The following USP33 variants were observed in gnomAD, a reference collection of about 807,000 sequenced individuals.
USP33 encodes the protein ubiquitin carboxyl-terminal hydrolase 33.
Under a neutral mutation model 124.2 loss-of-function variants are expected in USP33, and 46 were observed. That is an observed-to-expected ratio of 0.37 (90% CI 0.29 to 0.47). USP33 has a LOEUF of 0.47. USP33 is among the 20% of genes least tolerant of loss of function. The pLI is 0.99. For missense variants in USP33, 851 were observed against 1,070.6 expected (o/e 0.79, Z 2.86); for synonymous variants, 350 against 352.3 (o/e 0.99, Z 0.07).
In USP33 at chr1:77,736,050, A is replaced by G. The variant is rs1382060200; in HGVS notation, c.454+6T>C. ...TACAAAGAAGCGTTACACAGGATTAATTTACCTCTGGCCCTAAGTTCATCT... is the reference window on the plus strand; with the variant it reads ...TACAAAGAAGCGTTACACAGGATTAGTTTACCTCTGGCCCTAAGTTCATCT... On this transcript the variant is annotated splice_donor_region_variant and intron_variant, in intron 6 of 23. Coordinates refer to ENST00000370794, the MANE Select transcript of USP33 (RefSeq NM_201624.3). The G allele has an allele frequency of 6.3e-7, 1 of 1,599,260 alleles. No individual in the cohort carries two copies. The highest frequency in any genetic ancestry group is 8.5e-7 in the Non-Finnish European group (1 of 1,169,770).
chr1:77,706,778 T>C (rs1191782917), intron 21 of USP33, among the ~76,000 whole-genome samples: 1 of 152,160 alleles, frequency 6.6e-6, no homozygotes, highest in Non-Finnish European at 1.5e-5. Context: ...AACCAATATA[T>C]GGTGGTTTTT....
At chr1:77,720,535 AAGAACT>A in intron 15 of USP33, 2 of 985,446 alleles carry the variant, frequency 2.0e-6, no homozygotes, top group Non-Finnish European at 2.4e-6. Context: ...GGTTACTGCC[AAGAACT>A]AGAAGTCTGT....
intron 10 of USP33, among the ~76,000 whole-genome samples, chr1:77,726,929 G>A (rs1278976305): frequency 6.6e-6 from 1 of 152,152 alleles, no homozygotes; most frequent in African/African-American, 2.4e-5. Flanking sequence ...CAGGGCAAGG[G>A]AATGTGCTCA....
chr1:77,698,786 C>T (rs1474145708), intron 22 of USP33, among the ~76,000 whole-genome samples: 1 of 152,130 alleles, frequency 6.6e-6, no homozygotes, highest in Non-Finnish European at 1.5e-5. Context: ...AGGCATGAGC[C>T]ACCACGCCCG....
intron 5 of USP33, among the ~76,000 whole-genome samples, chr1:77,738,263 T>C (rs1678707029): frequency 6.6e-6 from 1 of 152,170 alleles, no homozygotes; most frequent in Non-Finnish European, 1.5e-5. Context: ...TACAGAAATA[T>C]GTGATTTCTA....
At chr1:77,753,863 T>C (rs1162221808) in intron 1 of USP33, among the ~76,000 whole-genome samples, 7 of 150,568 alleles carry the variant, frequency 4.6e-5, no homozygotes, top group Non-Finnish European at 1.0e-4. Flanking sequence ...TATTAGTATA[T>C]ATAAAATACT....
Position 77,701,483 on chromosome 1 carries a change from A to G in USP33, c.2407-12T>C, listed in dbSNP as rs778487559. ...AACGCTCTGTTAAGCTACAAGGGGG[A>G]AAAAAAACAGTCATCTAATATCTAA... On this transcript the variant is annotated splice_polypyrimidine_tract_variant and intron_variant, in intron 21 of 23. Coordinates refer to ENST00000370794, the MANE Select transcript of USP33 (RefSeq NM_201624.3). 8.1e-5 allele frequency: 128 copies of G among 1,586,938 alleles called. No homozygotes were observed. Among genetic ancestry groups the G allele is most frequent in the Non-Finnish European group, 9.9e-5 (115 of 1,162,630 alleles).
intron 12 of USP33, among the ~76,000 whole-genome samples, chr1:77,722,795 T>C (rs566653481): frequency 5.4e-4 from 83 of 152,318 alleles, no homozygotes; most frequent in African/African-American, 1.9e-3. Flanking sequence ...AAACTGTACT[T>C]AAGAAAAGCT....
At chr1:77,712,447 T>A (rs961771769) in intron 20 of USP33, among the ~76,000 whole-genome samples, 1 of 152,078 alleles carries the variant, frequency 6.6e-6, no homozygotes, top group Admixed American at 6.5e-5. Flanking sequence ...CGCTTGAAAC[T>A]GGGAGGCAGA....
chr1:77,758,547 A>AT (rs1005977418), intron 1 of USP33, among the ~76,000 whole-genome samples: 1 of 152,062 alleles, frequency 6.6e-6, no homozygotes, highest in African/African-American at 2.4e-5. Context: ...TATTTCTATT[A>AT]TTTTTTCATA....
chr1:77,751,176 A>C (rs373643071), intron 1 of USP33, among the ~76,000 whole-genome samples: 9 of 152,184 alleles, frequency 5.9e-5, no homozygotes, highest in African/African-American at 1.9e-4. Context: ...TTATCTTTGT[A>C]ATCTTGTATC....
At chr1:77,736,684 A>T (rs1483146894) in intron 5 of USP33, among the ~76,000 whole-genome samples, 10 of 152,080 alleles carry the variant, frequency 6.6e-5, no homozygotes, top group Admixed American at 1.3e-4. Flanking sequence ...ATCTCAGCTC[A>T]CTGCAACCTC....
intron 1 of USP33, among the ~76,000 whole-genome samples, chr1:77,748,793 G>A (rs78154586): frequency 9.4e-5 from 4 of 42,360 alleles, no homozygotes; most frequent in Non-Finnish European, 1.4e-4. Context: ...CCCCCCCCCC[G>A]TGCTTGAATC....
At chr1:77,723,481 T>A in intron 11 of USP33, 38 bp from the exon 12 acceptor site, 1 of 1,361,154 alleles carries the variant, frequency 7.3e-7, no homozygotes, top group Non-Finnish European at 1.0e-6. Context: ...TCAAAGCAGC[T>A]CCTTTAACAT....
At chr1:77,721,557 G>A in intron 14 of USP33, 1 of 486,984 alleles carries the variant, frequency 2.1e-6, no homozygotes, top group Non-Finnish European at 3.6e-6. Flanking sequence ...CCATTATTTT[G>A]GTTGAGTTTG....
At chr1:77,726,554 G>C (rs1313984806) in intron 10 of USP33, among the ~76,000 whole-genome samples, 1 of 151,610 alleles carries the variant, frequency 6.6e-6, no homozygotes, top group African/African-American at 2.4e-5. Context: ...GCTGAGGTGG[G>C]AGGATCACTT....
In USP33 at chr1:77,701,424, G is replaced by T; in HGVS notation, c.2454C>A (p.Cys818Ter). 3 of 1,613,088 alleles carry T rather than the reference G, an allele frequency of 1.9e-6. No individual in the cohort carries two copies. The highest frequency in any genetic ancestry group is 2.5e-6 in the Non-Finnish European group (3 of 1,179,634). Residue 818 changes from cysteine to a stop codon, truncating the protein, a stop_gained, in exon 22 of 24, where the codon TGC (cysteine) becomes TGA (stop). Coordinates refer to ENST00000370794, the MANE Select transcript of USP33 (RefSeq NM_201624.3). LOFTEE classifies it high-confidence loss of function. ...QKEDSPATFY[C>*]ISMQWFREWE... ...ATTCTCTAAACCACTGCATACTGAT[G>T]CAATAAAAAGTAGCTGGAGAGTCCT...
At chr1:77,731,876 G>C (rs1677858188) in intron 7 of USP33, among the ~76,000 whole-genome samples, 1 of 152,124 alleles carries the variant, frequency 6.6e-6, no homozygotes, top group Non-Finnish European at 1.5e-5. Flanking sequence ...GGCCAAGGCA[G>C]GACATGACTC....
intron 1 of USP33, among the ~76,000 whole-genome samples, chr1:77,757,910 T>C (rs1680950928): frequency 6.6e-6 from 1 of 152,226 alleles, no homozygotes; most frequent in Admixed American, 6.5e-5. Flanking sequence ...AAAATTCTAA[T>C]ACTACTACAT....
Sources: allele counts gnomAD v4.1 joint callset (sites outside exome capture counted in the v4.1 genomes callset), GRCh38; gene constraint gnomAD v4.1.1; transcripts MANE v1.5; gene names NCBI Gene and HGNC (gene_info 2026-07-23, HGNC 2026-07-21).